Variants in PTPRD observed in about 807,000 individuals in gnomAD.
PTPRD encodes the protein protein tyrosine phosphatase receptor type D, also known as receptor-type tyrosine-protein phosphatase delta.
A neutral mutation model predicts 214.5 loss-of-function variants in PTPRD; 34 were observed. The ratio of observed to expected loss-of-function variants is 0.16; its 90% CI spans 0.12 to 0.21. The LOEUF is 0.21. PTPRD is among the 10% of genes least tolerant of loss of function. The probability of loss-of-function intolerance (pLI) is 1.00; values close to 1 mark genes in which losing one functional copy is unlikely to be tolerated. For synonymous variants in PTPRD, 1,128 were observed against 845.7 expected (o/e 1.33, Z -5.79); for missense variants, 2,545 against 2,398.7 (o/e 1.06, Z -1.27).
At chr9:9,971,075 T>C (rs2095070213) in intron 4 of PTPRD, among the ~76,000 whole-genome samples, 1 of 152,234 alleles carries the variant, frequency 6.6e-6, no homozygotes, top group Non-Finnish European at 1.5e-5. Flanking sequence ...AAATTTTTAA[T>C]TGGTTCTATT....
intron 35 of PTPRD, among the ~76,000 whole-genome samples, chr9:8,420,551 G>C (rs896850232): frequency 1.3e-5 from 2 of 152,202 alleles, no homozygotes; most frequent in Admixed American, 6.5e-5. Context: ...GTTGCTGTGG[G>C]AATGATTATA....
chr9:8,375,515 A>G (rs2082974021), intron 39 of PTPRD, among the ~76,000 whole-genome samples: 1 of 151,982 alleles, frequency 6.6e-6, no homozygotes, highest in Non-Finnish European at 1.5e-5. Context: ...AGCTTGTATG[A>G]TATATTATTA....
chr9:9,422,557 T>C (rs1314536901), intron 8 of PTPRD, among the ~76,000 whole-genome samples: 4 of 152,102 alleles, frequency 2.6e-5, no homozygotes, highest in Non-Finnish European at 4.4e-5. Flanking sequence ...AAGACATACA[T>C]AAATACTGTC....
intron 12 of PTPRD, among the ~76,000 whole-genome samples, chr9:8,680,038 T>G (rs1446768954): frequency 6.6e-6 from 1 of 152,194 alleles, no homozygotes; most frequent in African/African-American, 2.4e-5. Flanking sequence ...AATGTAATAT[T>G]GAAACATTTC....
At chr9:9,816,935 T>C (rs2048971428) in intron 5 of PTPRD, among the ~76,000 whole-genome samples, 1 of 152,064 alleles carries the variant, frequency 6.6e-6, no homozygotes, top group South Asian at 2.1e-4. Context: ...TTTTTCTTAG[T>C]GGAACAATTA....
intron 34 of PTPRD, chr9:8,437,151 T>A: frequency 7.4e-7 from 1 of 1,354,130 alleles, no homozygotes; most frequent in South Asian, 1.3e-5. Flanking sequence ...GAGTAGTAGC[T>A]TGATAGTAAA....
chr9:10,401,544 G>C (rs1014657704), intron 2 of PTPRD, among the ~76,000 whole-genome samples: 1 of 150,338 alleles, frequency 6.7e-6, no homozygotes, highest in African/African-American at 2.4e-5. Flanking sequence ...TATATCTGTG[G>C]TGTAACAGTA....
chr9:8,767,858 A>G (rs1425987455), intron 11 of PTPRD, among the ~76,000 whole-genome samples: 4 of 152,240 alleles, frequency 2.6e-5, no homozygotes, highest in Admixed American at 2.0e-4. Flanking sequence ...TTTAAGTTAC[A>G]GTAAAAAGAA....
chr9:9,574,494 G>A (rs1368453781), intron 8 of PTPRD, among the ~76,000 whole-genome samples: 7 of 151,750 alleles, frequency 4.6e-5, no homozygotes, highest in Middle Eastern at 3.2e-3. Context: ...TTACCTTTGC[G>A]GGACATGCCT....
chr9:10,213,195 T>C (rs547984847), intron 3 of PTPRD, among the ~76,000 whole-genome samples: 1 of 152,248 alleles, frequency 6.6e-6, no homozygotes, highest in South Asian at 2.1e-4. Context: ...TTTTTAACAA[T>C]ACAGATTTGT....
Position 9,337,990 on chromosome 9 carries a change from G to T in PTPRD, c.-203+59459C>A, listed in dbSNP as rs149121825. On this transcript the variant is annotated intron_variant, in intron 9 of 45. Transcript: ENST00000381196. ...TGTCTAAAAAACACATGCATTAAGA[G>T]GAGATAACTTTGATCAAAACAACAA... Among the ~76,000 whole-genome samples the T allele has an allele frequency of 1.9e-3, 290 of 152,218 alleles. 2 individuals carry two copies. The highest frequency in any genetic ancestry group is 6.4e-3 in the African/African-American group (267 of 41,526).
intron 21 of PTPRD, among the ~76,000 whole-genome samples, chr9:8,513,577 T>G (rs1282849373): frequency 6.6e-6 from 1 of 152,108 alleles, no homozygotes; most frequent in Non-Finnish European, 1.5e-5. Context: ...TCCTACATAT[T>G]ATTGATCAGT....
At chr9:8,427,727 G>C (rs1341199111) in intron 35 of PTPRD, among the ~76,000 whole-genome samples, 1 of 151,824 alleles carries the variant, frequency 6.6e-6, no homozygotes, top group African/African-American at 2.4e-5. Flanking sequence ...AGCCCTAAGG[G>C]TTTGGCCTGG....
intron 14 of PTPRD, among the ~76,000 whole-genome samples, chr9:8,617,418 T>C (rs569792803): frequency 1.3e-5 from 2 of 152,214 alleles, no homozygotes; most frequent in South Asian, 2.1e-4. Context: ...ATCAAGTGGA[T>C]GTGCAAAACC....
chr9:10,456,073 G>C (rs928483439), intron 2 of PTPRD, among the ~76,000 whole-genome samples: 3 of 151,722 alleles, frequency 2.0e-5, no homozygotes, highest in Non-Finnish European at 4.4e-5. Flanking sequence ...TGTAGTCTTT[G>C]TCTATTACAT....
At chr9:8,943,817 G>T (rs963821960) in intron 11 of PTPRD, among the ~76,000 whole-genome samples, 8 of 151,070 alleles carry the variant, frequency 5.3e-5, no homozygotes, top group Non-Finnish European at 1.2e-4. Flanking sequence ...AAAAATGGAA[G>T]AAACTCAAAG....
chr9:9,411,805 A>T (rs1168007084), intron 8 of PTPRD, among the ~76,000 whole-genome samples: 7 of 152,244 alleles, frequency 4.6e-5, no homozygotes, highest in Non-Finnish European at 1.0e-4. Context: ...CACACACAAA[A>T]AAGATCCCTA....
At chr9:9,447,055 C>A (rs1485708748) in intron 8 of PTPRD, among the ~76,000 whole-genome samples, 4 of 152,112 alleles carry the variant, frequency 2.6e-5, no homozygotes, top group Non-Finnish European at 4.4e-5. Context: ...GAACGCTATA[C>A]ACTGGTGGTG....
In PTPRD at chr9:8,602,343, C is replaced by T. The variant is rs188614845; in HGVS notation, c.352+30974G>A. On this transcript the variant is annotated intron_variant, in intron 14 of 45. Transcript: ENST00000381196. ...CCAGGGCTTCTGAGACTTCACACTA[C>T]CTTGTCTGTATAAGCCTTTGGTGGT... Among the ~76,000 whole-genome samples the T allele has an allele frequency of 2.7e-3, 412 of 152,266 alleles. 1 individual carries two copies. Among genetic ancestry groups the T allele is most frequent in the Admixed American group, 4.7e-3 (72 of 15,292 alleles).
Sources: gnomAD v4.1 joint callset for allele counts (sites outside exome capture counted in the v4.1 genomes callset) on GRCh38, gnomAD v4.1.1 for gene constraint, MANE v1.5 for transcripts, NCBI Gene and HGNC (gene_info 2026-07-23, HGNC 2026-07-21) for gene names.